ZMYND11: variants seen among roughly 807,000 people sequenced by gnomAD.
The protein encoded by ZMYND11 is zinc finger MYND domain-containing protein 11.
A neutral mutation model predicts 84.9 loss-of-function variants in ZMYND11; 9 were observed. The ratio of observed to expected loss-of-function variants is 0.11; its 90% CI spans 0.06 to 0.18. The LOEUF (loss-of-function observed/expected upper bound fraction) is 0.18. Ranked by LOEUF, ZMYND11 falls within the 10% of genes least tolerant of loss-of-function variation. The pLI, the probability that ZMYND11 is intolerant of heterozygous loss-of-function variation, is 1.00. For missense variants in ZMYND11, 409 were observed against 761.0 expected (o/e 0.54, Z 5.44); for synonymous variants, 250 against 244.1 (o/e 1.02, Z -0.23).
At chr10:224,536 T>G (rs757736062) in intron 4 of ZMYND11, among the ~76,000 whole-genome samples, 1 of 152,224 alleles carries the variant, frequency 6.6e-6, no homozygotes, top group Non-Finnish European at 1.5e-5. Flanking sequence ...AAAAGAGATT[T>G]TAAAATTTGC....
chr10:145,602 GGTGGTACCTCACT>G (rs1554755081), intron 1 of ZMYND11, among the ~76,000 whole-genome samples: 3 of 152,164 alleles, frequency 2.0e-5, no homozygotes, highest in Non-Finnish European at 4.4e-5. Context: ...GTGGGGGTAA[GGTGGTACCTCACT>G]GTGGTTTTAA....
intron 2 of ZMYND11, among the ~76,000 whole-genome samples, chr10:205,138 ACTT>A (rs1340665033): frequency 6.6e-5 from 10 of 152,006 alleles, no homozygotes; most frequent in Non-Finnish European, 1.3e-4. Context: ...CTCTTCGCAA[ACTT>A]CTTCTATTTA....
At chr10:135,098 G>A (rs1835598231), upstream of ZMYND11, 1 of 149,970 alleles carries the variant, frequency 6.7e-6, no homozygotes, top group South Asian at 2.1e-4. The surrounding 1 kb of genome is among the most constrained non-coding windows in gnomAD (Gnocchi z 5.6). Flanking sequence ...CGCCATGTGA[G>A]CGGCTGCCGC....
chr10:151,905 A>G (rs1360126063), intron 1 of ZMYND11, among the ~76,000 whole-genome samples: 1 of 152,238 alleles, frequency 6.6e-6, no homozygotes, highest in Non-Finnish European at 1.5e-5. Flanking sequence ...AGTGGGGACC[A>G]ATATTCAACA....
chr10:219,260 T>C (rs1229871018), intron 3 of ZMYND11, among the ~76,000 whole-genome samples: 1 of 152,228 alleles, frequency 6.6e-6, no homozygotes, highest in Non-Finnish European at 1.5e-5. Context: ...ACAGGAATTA[T>C]ACTCTTGCTT....
intron 8 of ZMYND11, 40 bp downstream of exon 8, chr10:240,151 T>A (rs755296013): frequency 4.8e-6 from 7 of 1,461,888 alleles, no homozygotes; most frequent in Non-Finnish European, 6.5e-6. Context: ...TTTCTATAAC[T>A]GAAATTAATT....
At position 253,473 on chromosome 10, in the gene ZMYND11, A is replaced by C. The variant is rs1953870967; in HGVS notation, c.*1003A>C. The C allele has an allele frequency of 6.6e-6, 1 of 152,666 alleles. No individual in the cohort carries two copies. 9.5% of individuals were successfully genotyped at this position (152,666 alleles called of 1,614,324 possible). On this transcript the variant is annotated 3_prime_UTR_variant, in exon 15 of 15. Coordinates refer to ENST00000381604, the MANE Select transcript of ZMYND11 (RefSeq NM_001370100.5). ...GCCTACTAATGAACTCCATCACTGT[A>C]CACAGAATGAAGAATAATGCATGTT...
intron 14 of ZMYND11, among the ~76,000 whole-genome samples, chr10:251,319 A>C (rs1300826049): frequency 6.6e-6 from 1 of 152,178 alleles, no homozygotes; most frequent in East Asian, 1.9e-4. Flanking sequence ...CCAGATGTGA[A>C]TCCCGACACG....
At position 246,751 on chromosome 10, in the gene ZMYND11, A is replaced by G; in HGVS notation, c.951-15A>G. 1 of 1,612,794 alleles carries G rather than the reference A, an allele frequency of 6.2e-7. No homozygotes were observed. The highest frequency in any genetic ancestry group is 1.1e-5 in the South Asian group (1 of 90,992). ...TTGGGATGTTTCTAACTATACCTTT[A>G]TGTGTTTTTCCTAGGGCCTGGATTC... On this transcript the variant is annotated splice_polypyrimidine_tract_variant and intron_variant, in intron 10 of 14. Transcript: ENST00000381604.
chr10:225,214 C>A (rs187495582), intron 4 of ZMYND11, among the ~76,000 whole-genome samples: 1 of 152,124 alleles, frequency 6.6e-6, no homozygotes, highest in African/African-American at 2.4e-5. Flanking sequence ...ATAGTGTACA[C>A]GTTTAAATTT....
At position 252,640 on chromosome 10, in the gene ZMYND11, C is replaced by T. The variant is rs928939747; in HGVS notation, c.*170C>T. The T allele has an allele frequency of 1.2e-6, 1 of 832,282 alleles. No homozygotes were observed. The highest frequency in any genetic ancestry group is 1.8e-5 in the African/African-American group (1 of 56,702). The allele number at this position is 832,282 out of a possible 1,614,324, so 51.6% of individuals were successfully genotyped here. Reference sequence around the variant, plus strand: ...GTTTAAATCTTTTGTTAATGCTCCTCCGAAGTTTTTCAGGGGGTAAAAGTA... The same window carrying T: ...GTTTAAATCTTTTGTTAATGCTCCTTCGAAGTTTTTCAGGGGGTAAAAGTA... On this transcript the variant is annotated 3_prime_UTR_variant, in exon 15 of 15. Coordinates refer to ENST00000381604, the MANE Select transcript of ZMYND11 (RefSeq NM_001370100.5). This position sits in a 1 kb window ranked among gnomAD's most constrained non-coding sequence, Gnocchi z 4.6.
intron 4 of ZMYND11, among the ~76,000 whole-genome samples, chr10:229,673 C>T (rs544318766): frequency 6.6e-6 from 1 of 152,058 alleles, no homozygotes; most frequent in Non-Finnish European, 1.5e-5. Context: ...GTGAAAAAAC[C>T]GAACAGGAGT....
intron 1 of ZMYND11, among the ~76,000 whole-genome samples, chr10:147,523 A>T (rs948422415): frequency 2.7e-5 from 4 of 146,788 alleles, no homozygotes; most frequent in Non-Finnish European, 6.0e-5. Context: ...GCCTTTTTAA[A>T]TTTTTTTTTT....
intron 2 of ZMYND11, among the ~76,000 whole-genome samples, 193 bp downstream of exon 2, chr10:180,321 A>T (rs866469644): frequency 3.9e-5 from 6 of 152,250 alleles, no homozygotes; most frequent in Non-Finnish European, 7.3e-5. Flanking sequence ...TAGAAGTTTC[A>T]TAGAAAAATT....
intron 10 of ZMYND11, among the ~76,000 whole-genome samples, chr10:242,797 G>T (rs1951292674): frequency 6.6e-6 from 1 of 152,126 alleles, no homozygotes; most frequent in Non-Finnish European, 1.5e-5. Flanking sequence ...CCTCCCTGTG[G>T]TAAATTTTTA....
chr10:163,933 C>T (rs889817134), intron 1 of ZMYND11, among the ~76,000 whole-genome samples: 1 of 152,098 alleles, frequency 6.6e-6, no homozygotes, highest in Non-Finnish European at 1.5e-5. Context: ...GAGTCTTTCT[C>T]TGGGAACATT....
intron 1 of ZMYND11, among the ~76,000 whole-genome samples, chr10:156,302 G>C (rs1841706108): frequency 6.6e-6 from 1 of 152,070 alleles, no homozygotes; most frequent in South Asian, 2.1e-4. Context: ...GATGACCCTG[G>C]GGAGTTAGAA....
intron 2 of ZMYND11, among the ~76,000 whole-genome samples, chr10:193,087 A>G (rs550265800): frequency 6.6e-6 from 1 of 152,230 alleles, no homozygotes; most frequent in East Asian, 1.9e-4. Context: ...TGCTTTTGAA[A>G]TTTTATTTTA....
At chr10:239,900 G>T in intron 7 of ZMYND11, 156 bp from the exon 8 acceptor site, 1 of 587,962 alleles carries the variant, frequency 1.7e-6, no homozygotes, top group African/African-American at 1.9e-5. Flanking sequence ...AACAAAAGCT[G>T]CCTGTGTAAT....
Sources: gnomAD v4.1 joint callset for allele counts (sites outside exome capture counted in the v4.1 genomes callset) on GRCh38, gnomAD v4.1.1 for gene constraint, Gnocchi (gnomAD v3.1) non-coding constraint, MANE v1.5 for transcripts, NCBI Gene and HGNC (gene_info 2026-07-23, HGNC 2026-07-21) for gene names.